Variants in OTOA observed in about 807,000 individuals in gnomAD.
OTOA encodes the protein cancer/testis antigen 108.
In OTOA, 70 loss-of-function variants were observed where a neutral mutation model predicts 110.8. The observed-to-expected ratio is 0.63, with a 90% CI of 0.52 to 0.77. The LOEUF (loss-of-function observed/expected upper bound fraction) is 0.77. Ranked by LOEUF, OTOA falls within the 30% of genes least tolerant of loss-of-function variation. The pLI is 0.00. For synonymous variants in OTOA, 373 were observed against 431.5 expected, an observed-to-expected ratio of 0.86 and a Z score of 1.68; for missense variants, 917 against 1,075.8, an observed-to-expected ratio of 0.85 and a Z score of 2.06.
rs1175825799 is a variant in OTOA at position 21,751,544 on chromosome 16, A to G, written c.2776-391A>G. On this transcript the variant is annotated intron_variant, in intron 24 of 28. Transcript: ENST00000646100. ...CCAAAAAACGAAAAAAAAAAAAAAA[A>G]GGGAGAAGAAACGTTGTGGAAAAAG... Among the ~76,000 whole-genome samples the G allele has an allele frequency of 4.8e-5, 5 of 104,050 alleles. 1 individual carries two copies. Among genetic ancestry groups the G allele is most frequent in the South Asian group, 3.3e-4 (1 of 3,056 alleles). The allele number at this position is 104,050 out of a possible 152,430, so 68.3% of individuals were successfully genotyped here. A position where few individuals can be genotyped will look rare whatever the true frequency, so the allele number is the denominator to read the frequency against.
chr16:21,758,993 C>T (rs1229392477), intron 28 of OTOA, among the ~76,000 whole-genome samples: 1 of 151,792 alleles, frequency 6.6e-6, no homozygotes, highest in African/African-American at 2.4e-5. Context: ...AAGAGCAAAA[C>T]TCCATCACAA....
chr16:21,757,897 C>G (rs1206392909), intron 28 of OTOA, among the ~76,000 whole-genome samples: 2 of 152,142 alleles, frequency 1.3e-5, no homozygotes, highest in African/African-American at 4.8e-5. Flanking sequence ...GGATTACAGG[C>G]GCGAGCCACC....
At chr16:21,729,169 G>A (rs1392945973) in intron 20 of OTOA, among the ~76,000 whole-genome samples, 1 of 151,794 alleles carries the variant, frequency 6.6e-6, no homozygotes, top group Non-Finnish European at 1.5e-5. Flanking sequence ...CAAGTAGCTG[G>A]GACCACAGGT....
At chr16:21,718,984 G>T (rs1221177209) in intron 15 of OTOA, 149 bp from the exon 16 acceptor site, 3 of 774,786 alleles carry the variant, frequency 3.9e-6, no homozygotes, top group South Asian at 1.5e-5. Flanking sequence ...CTTAGCAATG[G>T]TCTAGTCCTA....
At chr16:21,737,944 C>T (rs562222670) in intron 22 of OTOA, among the ~76,000 whole-genome samples, 1 of 152,430 alleles carries the variant, frequency 6.6e-6, no homozygotes, top group Admixed American at 6.5e-5. Context: ...TTCATCCACC[C>T]AACAAATATT....
At chr16:21,718,495 G>A (rs938161638) in intron 15 of OTOA, among the ~76,000 whole-genome samples, 2 of 152,124 alleles carry the variant, frequency 1.3e-5, no homozygotes, top group Admixed American at 6.5e-5. Context: ...CAGCTACCAT[G>A]TCTAATGCTA....
chr16:21,691,436 TG>T, intron 8 of OTOA, 147 bp from the exon 9 acceptor site: 1 of 684,674 alleles, frequency 1.5e-6, no homozygotes, highest in Non-Finnish European at 2.7e-6. Flanking sequence ...CAACCAACAG[TG>T]TAAAAGCGTT....
At chr16:21,683,462 G>A (rs1465816205) in intron 6 of OTOA, among the ~76,000 whole-genome samples, 1 of 152,136 alleles carries the variant, frequency 6.6e-6, no homozygotes, top group Non-Finnish European at 1.5e-5. Flanking sequence ...AGAGGCATAG[G>A]TGGGAGGATT....
intron 17 of OTOA, among the ~76,000 whole-genome samples, chr16:21,720,231 C>T (rs1432187962): frequency 2.0e-5 from 3 of 152,160 alleles, no homozygotes; most frequent in Non-Finnish European, 4.4e-5. Context: ...GCTGGGATGA[C>T]AGGCATGAGC....
At chr16:21,736,742 G>A (rs1307551315) in intron 22 of OTOA, among the ~76,000 whole-genome samples, 1 of 152,066 alleles carries the variant, frequency 6.6e-6, no homozygotes, top group Non-Finnish European at 1.5e-5. Context: ...GAGACACGAG[G>A]ATTGCTTGAA....
At chr16:21,669,636 T>C (rs548169906) in intron 1 of OTOA, among the ~76,000 whole-genome samples, 6 of 152,272 alleles carry the variant, frequency 3.9e-5, no homozygotes, top group Admixed American at 2.0e-4. Flanking sequence ...GACCTGTCTA[T>C]TTCTTTTATT....
chr16:21,711,476 A>AT (rs914225584), intron 13 of OTOA, among the ~76,000 whole-genome samples: 21 of 150,118 alleles, frequency 1.4e-4, no homozygotes, highest in South Asian at 4.2e-4. Flanking sequence ...GTGTCATCTA[A>AT]TTTTTTTTTT....
In OTOA at chr16:21,685,495, C is replaced by G. The variant is rs952949448; in HGVS notation, c.399+134C>G. 7.0e-6 allele frequency: 9 copies of G among 1,279,710 alleles called. No homozygotes were observed. The Admixed American group carries it at 1.9e-4, about 27-fold the overall frequency. 79.3% of individuals were successfully genotyped at this position (1,279,710 alleles called of 1,614,324 possible). The stretch of plus-strand genomic sequence containing the variant: ...CCTCTCTCCTTCTGCCTCCTCCAAC[C>G]CCCTGGGGGCTTTAGGACCTAAGTT... On this transcript the variant is annotated intron_variant, in intron 7 of 28. Coordinates refer to ENST00000646100, the MANE Select transcript of OTOA (RefSeq NM_144672.4).
chr16:21,715,883 A>G (rs905436846), intron 14 of OTOA, among the ~76,000 whole-genome samples: 1 of 151,836 alleles, frequency 6.6e-6, no homozygotes, highest in African/African-American at 2.4e-5. Flanking sequence ...AGCCCTTTTC[A>G]TGGTCCACAG....
chr16:21,705,476 T>C (rs1219443231), intron 12 of OTOA, 184 bp downstream of exon 12: 47 of 921,382 alleles, frequency 5.1e-5, no homozygotes, highest in Non-Finnish European at 4.2e-5. Flanking sequence ...AGACAGAAAA[T>C]AGCAAAGGAA....
intron 14 of OTOA, among the ~76,000 whole-genome samples, chr16:21,716,193 G>A (rs949438887): frequency 6.6e-6 from 1 of 152,098 alleles, no homozygotes; most frequent in African/African-American, 2.4e-5. Context: ...GAGCCACCAT[G>A]CCTGGCCCCT....
Position 21,728,296 on chromosome 16 carries a change from A to G in OTOA, c.2072A>G (p.His691Arg). 6.2e-7 allele frequency: 1 copy of G among 1,614,084 alleles called. No homozygotes were observed. Among genetic ancestry groups the G allele is most frequent in the South Asian group, 1.1e-5 (1 of 91,084 alleles). The change falls in exon 20 of 29, where the codon CAC becomes CGC. Residue 691 changes from histidine to arginine, a missense_variant. Coordinates refer to ENST00000646100, the MANE Select transcript of OTOA (RefSeq NM_144672.4). Reference protein sequence around the residue: ...TVDIMGNLLCHLPAAIIDRGI... With the variant: ...TVDIMGNLLCRLPAAIIDRGI... ...GACATCATGGGGAACCTGCTGTGTC[A>G]CTTGCCGGCAGCCATCATCGACAGG...
intron 9 of OTOA, among the ~76,000 whole-genome samples, chr16:21,695,225 C>A (rs1219187472): frequency 7.5e-4 from 5 of 6,650 alleles, no homozygotes; most frequent in African/African-American, 1.1e-3. Context: ...TGTAGTGAGA[C>A]CCCCCCCCCC....
intron 16 of OTOA, 88 bp from the exon 17 acceptor site, chr16:21,719,299 G>C (rs967319441): frequency 3.9e-6 from 6 of 1,552,886 alleles, no homozygotes; most frequent in South Asian, 1.1e-5. Flanking sequence ...TCTGTAGCTT[G>C]TATCTGATCA....
Sources: allele counts gnomAD v4.1 joint callset (sites outside exome capture counted in the v4.1 genomes callset), GRCh38; gene constraint gnomAD v4.1.1; transcripts MANE v1.5; gene names NCBI Gene and HGNC (gene_info 2026-07-23, HGNC 2026-07-21).